COL18A1: variants seen among roughly 807,000 people sequenced by gnomAD.
COL18A1 encodes collagen type XVIII alpha 1 chain, also known as collagen alpha-1(XVIII) chain.
In COL18A1, 133 loss-of-function variants were observed where a neutral mutation model predicts 168.0. The ratio of observed to expected loss-of-function variants is 0.79; its 90% CI spans 0.69 to 0.91. COL18A1 has a LOEUF of 0.91. Ranked by LOEUF, COL18A1 falls within the 40% of genes least tolerant of loss-of-function variation. The pLI, the probability that COL18A1 is intolerant of heterozygous loss-of-function variation, is 0.00. For synonymous variants in COL18A1, 949 were observed against 809.0 expected (o/e 1.17, Z -2.94); for missense variants, 2,126 against 1,925.4 (o/e 1.10, Z -1.95).
rs903894154 is a variant in COL18A1 at position 45,456,817 on chromosome 21, C to T, written c.107-11425C>T. The T allele has an allele frequency of 5.3e-5, 81 of 1,530,220 alleles. No homozygotes were observed. In the Admixed American group the frequency reaches 5.4e-4, roughly 10 times the overall value. 94.8% of individuals were successfully genotyped at this position (1,530,220 alleles called of 1,614,324 possible). A position where few individuals can be genotyped will look rare whatever the true frequency, so the allele number is the denominator to read the frequency against. ...GCCGCCTGGGCGGGGGCCGGCTGCC[C>T]GTCGCCTGTGCCTCGCTCCCGACCC... On this transcript the variant is annotated intron_variant, in intron 2 of 41. Coordinates refer to ENST00000651438, the MANE Select transcript of COL18A1 (RefSeq NM_001379500.1).
At chr21:45,467,919 T>C (rs896748640) in intron 2 of COL18A1, among the ~76,000 whole-genome samples, 3 of 152,170 alleles carry the variant, frequency 2.0e-5, no homozygotes, top group African/African-American at 7.2e-5. Flanking sequence ...GGACACCATG[T>C]CTGCTGTGCC....
intron 35 of COL18A1, 24 bp downstream of exon 35, chr21:45,505,302 C>A (rs112155290): frequency 2.5e-6 from 4 of 1,604,372 alleles, no homozygotes; most frequent in Non-Finnish European, 3.4e-6. Flanking sequence ...GAGTGGGCCC[C>A]GGGCAGAGGC....
At position 45,504,487 on chromosome 21, in the gene COL18A1, C is replaced by T. The variant is rs370771189; in HGVS notation, c.2799C>T (p.Phe933=). 72 of 1,590,132 alleles carry T rather than the reference C, an allele frequency of 4.5e-5. No homozygotes were observed. Among genetic ancestry groups the T allele is most frequent in the South Asian group, 2.1e-4 (19 of 90,002 alleles). The change falls in exon 34 of 42, where the codon TTC becomes TTT. Residue 933 remains phenylalanine, a synonymous_variant. Transcript: ENST00000651438. ...ERGEPGGGGF[F]GSSLPGPPGP... ...GGGAGCCCGGGGGCGGCGGTTTCTTCGGCTCCAGCCTGCCCGGCCCCCCCG... is the reference window on the plus strand; with the variant it reads ...GGGAGCCCGGGGGCGGCGGTTTCTTTGGCTCCAGCCTGCCCGGCCCCCCCG...
intron 2 of COL18A1, among the ~76,000 whole-genome samples, chr21:45,452,264 T>A (rs1602411762): frequency 6.6e-6 from 1 of 152,248 alleles, no homozygotes; most frequent in East Asian, 1.9e-4. Context: ...GGGTGCTTTC[T>A]GAGAGTGCAA....
chr21:45,497,887 A>G (rs2036595989), intron 32 of COL18A1: 1 of 624,536 alleles, frequency 1.6e-6, no homozygotes, highest in East Asian at 2.7e-5. Context: ...AGATAGCCCC[A>G]TCACCTCCTG....
In COL18A1 at chr21:45,498,297, TCC is replaced by T. The variant is rs2036611329; in HGVS notation, c.2683+639_2683+640del. 2 of 705,612 alleles carry T rather than the reference TCC, an allele frequency of 2.8e-6. No homozygotes were observed. 43.7% of individuals were successfully genotyped at this position (705,612 alleles called of 1,614,324 possible). A position where few individuals can be genotyped will look rare whatever the true frequency, so the allele number is the denominator to read the frequency against. On this transcript the variant is annotated intron_variant, in intron 32 of 41. Coordinates refer to ENST00000651438, the MANE Select transcript of COL18A1 (RefSeq NM_001379500.1). This position sits in a 1 kb window ranked among gnomAD's most constrained non-coding sequence, Gnocchi z 4.5. ...CCTCGGGCGCCTTTCACCACCAGGG[TCC>T]CCTCTCGCCGCCACGGTCCCCTCTC...
intron 2 of COL18A1, among the ~76,000 whole-genome samples, chr21:45,438,185 C>T (rs1189787010): frequency 1.6e-5 from 2 of 126,518 alleles, no homozygotes; most frequent in African/African-American, 7.1e-5. Context: ...CACTCACACT[C>T]AGACACACAG....
Position 45,505,392 on chromosome 21 carries a change from G to C in COL18A1, c.3048G>C (p.Gly1016=), listed in dbSNP as rs552556415. 3 of 1,576,650 alleles carry C rather than the reference G, an allele frequency of 1.9e-6. No individual in the cohort carries two copies. The highest frequency in any genetic ancestry group is 2.2e-5 in the South Asian group (2 of 89,160). ...ISVPGPPGPP[G]PPGPPGTMGA... ...TTCCCGGCCCTCCGGGCCCCCCTGG[G>C]CCCCCTGGGCCCCCTGGAACCATGG... is the stretch of plus-strand genomic sequence containing the variant. The change falls in exon 36 of 42, where the codon GGG becomes GGC. Residue 1016 remains glycine (G), a synonymous_variant. Coordinates refer to ENST00000651438, the MANE Select transcript of COL18A1 (RefSeq NM_001379500.1).
At chr21:45,440,299 C>T (rs1455166503) in intron 2 of COL18A1, among the ~76,000 whole-genome samples, 1 of 152,236 alleles carries the variant, frequency 6.6e-6, no homozygotes, top group African/African-American at 2.4e-5. Context: ...AGCCCCTTAG[C>T]TTCTTGCCCA....
Position 45,509,403 on chromosome 21 carries a change from C to A in COL18A1, c.3297C>A (p.Asp1099Glu), listed in dbSNP as rs980891387. ...ALQPPVVQLH[D>E]SNPYPRREHP... ...AGCCCCCCGTGGTGCAGCTGCACGACAGCAACCCCTACCCGCGGCGGGAGC... is the reference window on the plus strand; with the variant it reads ...AGCCCCCCGTGGTGCAGCTGCACGAAAGCAACCCCTACCCGCGGCGGGAGC... The change falls in exon 39 of 42, where the codon GAC becomes GAA. Residue 1099 changes from aspartate (D) to glutamate (E), a missense_variant. By Grantham distance (45) the Asp-to-Glu change is conservative (BLOSUM62 2). Coordinates refer to ENST00000651438, the MANE Select transcript of COL18A1 (RefSeq NM_001379500.1). 5 of 1,543,192 alleles carry A rather than the reference C, an allele frequency of 3.2e-6. No individual in the cohort carries two copies. The East Asian group carries it at 9.7e-5, about 30-fold the overall frequency.
chr21:45,500,310 GT>G (rs2146031253), intron 32 of COL18A1, among the ~76,000 whole-genome samples: 2 of 136,150 alleles, frequency 1.5e-5, no homozygotes, highest in African/African-American at 5.5e-5. Flanking sequence ...ATGTGGGTGT[GT>G]AGTGGGGGTG....
At chr21:45,450,045 A>C (rs1408061458) in intron 2 of COL18A1, among the ~76,000 whole-genome samples, 1 of 152,246 alleles carries the variant, frequency 6.6e-6, no homozygotes, top group African/African-American at 2.4e-5. Flanking sequence ...TGTCTGCGGC[A>C]TCCAAACCTT....
intron 37 of COL18A1, chr21:45,506,194 G>T: frequency 1.7e-6 from 1 of 586,238 alleles, no homozygotes; most frequent in Non-Finnish European, 3.0e-6. Flanking sequence ...AACACATGGC[G>T]TGTGAGGGGC....
At chr21:45,438,226 TCAGA>T (rs1443913898) in intron 2 of COL18A1, among the ~76,000 whole-genome samples, 2 of 41,348 alleles carry the variant, frequency 4.8e-5, no homozygotes, top group Admixed American at 4.7e-4. Context: ...ACTCACACAC[TCAGA>T]CACACAGGCA....
intron 2 of COL18A1, among the ~76,000 whole-genome samples, chr21:45,453,184 T>C (rs143013787): frequency 1.5e-4 from 23 of 152,282 alleles, no homozygotes; most frequent in African/African-American, 5.5e-4. Context: ...TGTGATTGTG[T>C]ATGCATGTAT....
chr21:45,482,261 C>T (rs1337473458), intron 14 of COL18A1: 6 of 632,484 alleles, frequency 9.5e-6, no homozygotes, highest in Admixed American at 2.5e-5. Flanking sequence ...AGAACATGGG[C>T]ACCCTGCGAG....
intron 19 of COL18A1, 74 bp from the exon 20 acceptor site, chr21:45,490,201 C>G (rs998964373): frequency 8.5e-6 from 11 of 1,289,540 alleles, no homozygotes; most frequent in African/African-American, 4.6e-5. Flanking sequence ...ACGGGTGCCC[C>G]GGACTCCTCG....
chr21:45,494,665 C>T (rs1409657139), intron 27 of COL18A1, 94 bp downstream of exon 27: 3 of 1,562,874 alleles, frequency 1.9e-6, no homozygotes, highest in African/African-American at 2.7e-5. Flanking sequence ...TGCTGTGCGG[C>T]CCAGGGCTCA....
At chr21:45,456,000 C>T in intron 2 of COL18A1, 1 of 1,612,916 alleles carries the variant, frequency 6.2e-7, no homozygotes, top group Non-Finnish European at 8.5e-7. Flanking sequence ...CTCGCTGGGC[C>T]TTCCAGCACC....
Sources: gnomAD v4.1 joint callset for allele counts (sites outside exome capture counted in the v4.1 genomes callset) on GRCh38, gnomAD v4.1.1 for gene constraint, Gnocchi (gnomAD v3.1) non-coding constraint, MANE v1.5 for transcripts, NCBI Gene and HGNC (gene_info 2026-07-23, HGNC 2026-07-21) for gene names.